RIN3: variants seen among roughly 807,000 people sequenced by gnomAD.
RIN3 encodes Ras and Rab interactor 3, also known as RAB5 interacting protein 3.
Under a neutral mutation model 76.3 loss-of-function variants are expected in RIN3, and 54 were observed. The observed-to-expected ratio is 0.71, with a 90% CI of 0.57 to 0.89. The LOEUF (loss-of-function observed/expected upper bound fraction) is 0.89. RIN3 is among the 40% of genes least tolerant of loss of function. RIN3 has a pLI of 0.00. For synonymous variants in RIN3, 576 were observed against 564.0 expected, an observed-to-expected ratio of 1.02 and a Z score of -0.30; for missense variants, 1,256 against 1,322.1, an observed-to-expected ratio of 0.95 and a Z score of 0.78.
At chr14:92,616,491 G>T (rs933366705) in intron 4 of RIN3, among the ~76,000 whole-genome samples, 2 of 152,202 alleles carry the variant, frequency 1.3e-5, no homozygotes, top group Admixed American at 1.3e-4. Context: ...TCAGCCTTAT[G>T]TTCCCTGCCT....
chr14:92,540,811 G>A (rs932709146), intron 1 of RIN3, among the ~76,000 whole-genome samples: 2 of 152,222 alleles, frequency 1.3e-5, no homozygotes, highest in East Asian at 3.8e-4. Context: ...CTAGCCAAGG[G>A]TCGGTTGAGT....
intron 4 of RIN3, among the ~76,000 whole-genome samples, chr14:92,636,417 C>G (rs1886779076): frequency 6.6e-6 from 1 of 152,138 alleles, no homozygotes; most frequent in African/African-American, 2.4e-5. Context: ...AAACCCATCT[C>G]TACTAAAAAT....
At chr14:92,607,652 A>G (rs531410006) in intron 3 of RIN3, among the ~76,000 whole-genome samples, 39 of 152,346 alleles carry the variant, frequency 2.6e-4, no homozygotes, top group Non-Finnish European at 5.1e-4. Context: ...CACATGACCC[A>G]GCAATTTCAC....
At chr14:92,637,019 C>A (rs1233315493) in intron 4 of RIN3, among the ~76,000 whole-genome samples, 4 of 152,196 alleles carry the variant, frequency 2.6e-5, no homozygotes, top group African/African-American at 9.7e-5. Context: ...CAGTCCCCAA[C>A]CTTTTTGGCA....
At chr14:92,591,427 C>A (rs77935375) in intron 3 of RIN3, among the ~76,000 whole-genome samples, 2 of 151,922 alleles carry the variant, frequency 1.3e-5, no homozygotes, top group Non-Finnish European at 2.9e-5. Flanking sequence ...ATATTTGAAA[C>A]AATAATGACT....
chr14:92,552,139 C>T (rs1266360989), intron 1 of RIN3, among the ~76,000 whole-genome samples: 8 of 152,150 alleles, frequency 5.3e-5, no homozygotes, highest in African/African-American at 1.2e-4. Context: ...GGGACTGGAC[C>T]GGATTCTTTA....
chr14:92,656,548 TGG>T lies in RIN3; in HGVS notation c.2027-2611_2027-2610del, dbSNP rs1887674883. Among the ~76,000 whole-genome samples, 2 of 152,200 alleles carry T rather than the reference TGG, an allele frequency of 1.3e-5. No homozygotes were observed. The highest frequency in any genetic ancestry group is 4.1e-4 in the South Asian group (2 of 4,824). ...TGGCTGGCAGGATGCAGACACACCA[TGG>T]GTCCTGTTAAGGCCAAATCTGCTTC... is the stretch of plus-strand genomic sequence containing the variant. On this transcript the variant is annotated intron_variant, in intron 6 of 9. Transcript: ENST00000216487. This position sits in a 1 kb window ranked among gnomAD's most constrained non-coding sequence, Gnocchi z 5.2.
chr14:92,601,385 T>C (rs1262789668), intron 3 of RIN3, among the ~76,000 whole-genome samples: 1 of 152,204 alleles, frequency 6.6e-6, no homozygotes, highest in African/African-American at 2.4e-5. Flanking sequence ...CTCTGTGACC[T>C]TCAGTGAGCT....
intron 5 of RIN3, 32 bp from the exon 6 acceptor site, chr14:92,651,550 A>T: frequency 6.8e-7 from 1 of 1,466,822 alleles, no homozygotes. Context: ...CCTGGCACAG[A>T]CTGACCCCCT....
chr14:92,617,334 TC>T (rs1886009168), intron 4 of RIN3, among the ~76,000 whole-genome samples: 1 of 151,356 alleles, frequency 6.6e-6, no homozygotes, highest in South Asian at 2.1e-4. Flanking sequence ...ATTTAAAAAT[TC>T]CCCCCTTTTT....
At chr14:92,615,657 TTCTCA>T in intron 4 of RIN3, 178 bp downstream of exon 4, 1 of 610,266 alleles carries the variant, frequency 1.6e-6, no homozygotes, top group South Asian at 1.9e-5. Context: ...CTCTGAGGCT[TTCTCA>T]CACTATCTGA....
chr14:92,522,835 A>G (rs897097588), intron 1 of RIN3, among the ~76,000 whole-genome samples: 1 of 152,204 alleles, frequency 6.6e-6, no homozygotes, highest in African/African-American at 2.4e-5. Context: ...AGTTCAGGAC[A>G]GTGAGATATA....
At chr14:92,629,883 T>G (rs10137097) in intron 4 of RIN3, among the ~76,000 whole-genome samples, 29 of 152,170 alleles carry the variant, frequency 1.9e-4, no homozygotes, top group Non-Finnish European at 3.8e-4. Flanking sequence ...GAGGCCTCAC[T>G]GTGTGCATCC....
At chr14:92,626,409 A>C (rs1374808348) in intron 4 of RIN3, among the ~76,000 whole-genome samples, 4 of 152,204 alleles carry the variant, frequency 2.6e-5, no homozygotes, top group Non-Finnish European at 5.9e-5. Context: ...TGGGTCATCT[A>C]GCAGTGGCTT....
chr14:92,602,943 A>G (rs1057374562), intron 3 of RIN3, among the ~76,000 whole-genome samples: 1 of 152,168 alleles, frequency 6.6e-6, no homozygotes, highest in African/African-American at 2.4e-5. Context: ...CAGGGCTGCA[A>G]CCTGGGGCAT....
chr14:92,625,484 A>T (rs10132165), intron 4 of RIN3, among the ~76,000 whole-genome samples: 114,319 of 152,046 alleles, frequency 0.75, 43,701 homozygotes, highest in Non-Finnish European at 0.82. Flanking sequence ...TAACCACATT[A>T]TTAGCTGTTG....
chr14:92,585,416 C>G lies in RIN3; in HGVS notation c.367+7939C>G, dbSNP rs114766179. Among the ~76,000 whole-genome samples, 1,102 of 152,268 alleles carry G rather than the reference C, an allele frequency of 7.2e-3. 14 individuals are homozygous for G. Among genetic ancestry groups the G allele is most frequent in the African/African-American group, 0.025 (1,034 of 41,552 alleles). On this transcript the variant is annotated intron_variant, in intron 3 of 9. Transcript: ENST00000216487. ...CAGGAGGACTCATCTAGCATTTCTC[C>G]TTTCCTGAATTTAAAACGTCCCCAT...
At chr14:92,518,789 CTGTG>C (rs61124300) in intron 1 of RIN3, among the ~76,000 whole-genome samples, 222 of 128,414 alleles carry the variant, frequency 1.7e-3, no homozygotes, top group African/African-American at 2.5e-3. Flanking sequence ...TAAGGGTGGC[CTGTG>C]TGTGTGTGTG....
intron 3 of RIN3, among the ~76,000 whole-genome samples, chr14:92,579,473 G>T (rs940306007): frequency 6.6e-6 from 1 of 152,186 alleles, no homozygotes; most frequent in Admixed American, 6.5e-5. Flanking sequence ...TCATTTCCTC[G>T]TCATAATTTT....
Sources: gnomAD v4.1 joint callset for allele counts (sites outside exome capture counted in the v4.1 genomes callset) on GRCh38, gnomAD v4.1.1 for gene constraint, Gnocchi (gnomAD v3.1) non-coding constraint, MANE v1.5 for transcripts, NCBI Gene and HGNC (gene_info 2026-07-23, HGNC 2026-07-21) for gene names.